Variants in OPALIN observed in about 807,000 individuals in gnomAD.
OPALIN encodes the protein oligodendrocytic myelin paranodal and inner loop protein.
In OPALIN, 15 loss-of-function variants were observed where a neutral mutation model predicts 17.8. The ratio of observed to expected loss-of-function variants is 0.84; its 90% CI spans 0.56 to 1.29. The LOEUF is 1.29. OPALIN is among the 50% of genes most tolerant of loss of function. OPALIN has a pLI of 0.00. For missense variants in OPALIN, 170 were observed against 176.0 expected (o/e 0.97, Z 0.19); for synonymous variants, 62 against 63.8 (o/e 0.97, Z 0.14).
chr10:96,355,552 C>T (rs1164363911), intron 1 of OPALIN, among the ~76,000 whole-genome samples: 1 of 152,176 alleles, frequency 6.6e-6, no homozygotes, highest in Non-Finnish European at 1.5e-5. Context: ...GAAGAGGCAG[C>T]CTGCAAGGCT....
At chr10:96,356,879 G>A (rs935144449) in intron 1 of OPALIN, 2 of 985,122 alleles carry the variant, frequency 2.0e-6, no homozygotes, top group South Asian at 9.4e-5. Context: ...GGTTTCCCAA[G>A]TCCAAACAAC....
At chr10:96,357,491 G>A (rs779800005) in intron 1 of OPALIN, among the ~76,000 whole-genome samples, 2 of 152,094 alleles carry the variant, frequency 1.3e-5, no homozygotes, top group South Asian at 2.1e-4. Flanking sequence ...ATCTAAATTC[G>A]AGCCCACACT....
chr10:96,346,181 A>C, intron 5 of OPALIN, 64 bp from the exon 6 acceptor site: 2 of 1,457,558 alleles, frequency 1.4e-6, no homozygotes, highest in Middle Eastern at 1.8e-4. Flanking sequence ...AAGATGGACT[A>C]ACAGCAACCA....
At chr10:96,346,627 ACT>A (rs1845341651) in intron 5 of OPALIN, among the ~76,000 whole-genome samples, 1 of 151,858 alleles carries the variant, frequency 6.6e-6, no homozygotes, top group African/African-American at 2.4e-5. Context: ...TGTCTTTTTA[ACT>A]CTTTTTCTAC....
At chr10:96,354,659 C>T (rs991261701) in intron 2 of OPALIN, among the ~76,000 whole-genome samples, 1 of 150,458 alleles carries the variant, frequency 6.6e-6, no homozygotes, top group Non-Finnish European at 1.5e-5. Flanking sequence ...AAGGGTTACA[C>T]CAGTTTTCTG....
chr10:96,351,369 T>C lies in OPALIN; in HGVS notation c.72+9A>G, dbSNP rs199781072. Reference sequence around the variant, plus strand: ...ATCCCCATTTTATAAATTTAAGTGATATAGTTACCGTTTCTTTCCCACCTG... The same window carrying C: ...ATCCCCATTTTATAAATTTAAGTGACATAGTTACCGTTTCTTTCCCACCTG... On this transcript the variant is annotated intron_variant, in intron 3 of 5. Coordinates refer to ENST00000371172, the MANE Select transcript of OPALIN (RefSeq NM_033207.5). 1.5e-5 allele frequency: 22 copies of C among 1,481,544 alleles called. No homozygotes were observed. Among genetic ancestry groups the C allele is most frequent in the Admixed American group, 1.4e-4 (7 of 48,456 alleles). The allele number at this position is 1,481,544 out of a possible 1,614,324, so 91.8% of individuals were successfully genotyped here.
chr10:96,356,554 C>T (rs879562975), intron 1 of OPALIN, among the ~76,000 whole-genome samples: 1 of 152,136 alleles, frequency 6.6e-6, no homozygotes, highest in Admixed American at 6.5e-5. Flanking sequence ...GTGACTCAAC[C>T]CCAACCCGAA....
chr10:96,351,761 A>G (rs1049846537), intron 2 of OPALIN, among the ~76,000 whole-genome samples: 2 of 152,204 alleles, frequency 1.3e-5, no homozygotes, highest in African/African-American at 4.8e-5. Context: ...AGGGAAACAC[A>G]TATAAATACT....
chr10:96,347,085 T>C (rs1257588975), intron 5 of OPALIN, among the ~76,000 whole-genome samples: 3 of 151,926 alleles, frequency 2.0e-5, no homozygotes, highest in Non-Finnish European at 4.4e-5. Context: ...TTTCTTCCTT[T>C]CTTTCTTTTT....
chr10:96,356,919 C>A, intron 1 of OPALIN: 1 of 985,330 alleles, frequency 1.0e-6, no homozygotes, highest in Non-Finnish European at 1.2e-6. Flanking sequence ...CCTGAGTGTC[C>A]CGGTGACAAC....
chr10:96,355,709 A>G (rs1008596293), intron 1 of OPALIN, among the ~76,000 whole-genome samples: 1 of 152,232 alleles, frequency 6.6e-6, no homozygotes, highest in African/African-American at 2.4e-5. Context: ...TCCTTGGAGT[A>G]GAAGGTAAGA....
At chr10:96,358,244 ATTC>A (rs1488535428) in intron 1 of OPALIN, among the ~76,000 whole-genome samples, 5 of 149,724 alleles carry the variant, frequency 3.3e-5, no homozygotes, top group Non-Finnish European at 5.9e-5. Context: ...ATTACACAAT[ATTC>A]TTCTTTTTGT....
chr10:96,349,572 G>T, intron 4 of OPALIN, 135 bp downstream of exon 4: 4 of 989,322 alleles, frequency 4.0e-6, no homozygotes, highest in Non-Finnish European at 4.4e-6. Context: ...GGAAATTATG[G>T]CCCAGAAACT....
rs1845569516 is a variant in OPALIN, at chr10:96,351,359, AT to A, written c.72+18del. The stretch of plus-strand genomic sequence containing the variant: ...CATTATTATTATCCCCATTTTATAA[AT>A]TTAAGTGATATAGTTACCGTTTCTT... On this transcript the variant is annotated intron_variant, in intron 3 of 5. Coordinates refer to ENST00000371172, the MANE Select transcript of OPALIN (RefSeq NM_033207.5). 1.4e-6 allele frequency: 2 copies of A among 1,434,502 alleles called. No homozygotes were observed. The highest frequency in any genetic ancestry group is 1.9e-6 in the Non-Finnish European group (2 of 1,040,670). The allele number at this position is 1,434,502 out of a possible 1,614,324, so 88.9% of individuals were successfully genotyped here. A position where few individuals can be genotyped will look rare whatever the true frequency, so the allele number is the denominator to read the frequency against.
chr10:96,349,711 A>G lies in OPALIN; in HGVS notation c.188T>C (p.Met63Thr), dbSNP rs548142634. Reference protein sequence around the residue: ...IHRRRSSIEAMEESDRPCEIS... With the variant: ...IHRRRSSIEATEESDRPCEIS... ...CCCAAAGAAGCTAGTAATCACCTCC[A>G]TGGCCTCAATGCTGCTTCTTCTTCG... The change falls in exon 4 of 6, where the codon ATG becomes ACG. Residue 63 changes from methionine to threonine, a missense_variant. Transcript: ENST00000371172. 1.4e-5 allele frequency: 22 copies of G among 1,613,592 alleles called. No individual in the cohort carries two copies. In the South Asian group the frequency reaches 2.3e-4, roughly 17 times the overall value.
At chr10:96,349,897 G>C in intron 3 of OPALIN, 71 bp from the exon 4 acceptor site, 1 of 1,452,150 alleles carries the variant, frequency 6.9e-7, no homozygotes, top group Non-Finnish European at 9.1e-7. Context: ...AAATTCAATA[G>C]AATAAAAATA....
intron 2 of OPALIN, chr10:96,353,475 G>T: frequency 6.3e-7 from 1 of 1,575,160 alleles, no homozygotes. Context: ...AGCTGCCCAG[G>T]ACTTTCAGTG....
In OPALIN at chr10:96,346,001, A is replaced by G. The variant is rs1181524559; in HGVS notation, c.366T>C (p.Thr122=). 6.2e-7 allele frequency: 1 copy of G among 1,614,170 alleles called. No individual in the cohort carries two copies. Among genetic ancestry groups the G allele is most frequent in the African/African-American group, 1.3e-5 (1 of 75,038 alleles). Residue 122 remains threonine, a synonymous_variant, in exon 6 of 6, where the codon ACT becomes ACC. Coordinates refer to ENST00000371172, the MANE Select transcript of OPALIN (RefSeq NM_033207.5). ...ATCCCCTCCTTCTTTCCATTTCTAT[A>G]GTAGGACGGTAACGGTCATGCACAG... ...EEPVHDRYRP[T]IEMERRRGLW... is the part of the protein sequence containing the mutation.
At chr10:96,352,545 C>T (rs985372300) in intron 2 of OPALIN, among the ~76,000 whole-genome samples, 27 of 152,106 alleles carry the variant, frequency 1.8e-4, no homozygotes, top group South Asian at 1.7e-3. Context: ...TCACAATCTC[C>T]CCAACCCCTA....
Sources: allele counts gnomAD v4.1 joint callset (sites outside exome capture counted in the v4.1 genomes callset), GRCh38; gene constraint gnomAD v4.1.1; transcripts MANE v1.5; gene names NCBI Gene and HGNC (gene_info 2026-07-23, HGNC 2026-07-21).